Variants in DEPDC5 observed in about 807,000 individuals in gnomAD.
DEPDC5 encodes the protein DEP domain containing 5, GATOR1 subcomplex subunit, also known as GATOR1 complex protein DEPDC5.
A neutral mutation model predicts 217.3 loss-of-function variants in DEPDC5; 73 were observed. The observed-to-expected ratio is 0.34, with a 90% CI of 0.28 to 0.41. The LOEUF is 0.41. DEPDC5 is among the 10% of genes least tolerant of loss of function. DEPDC5 has a pLI of 1.00. For synonymous variants in DEPDC5, 733 were observed against 756.7 expected, an observed-to-expected ratio of 0.97 and a Z score of 0.51; for missense variants, 1,675 against 2,070.1, an observed-to-expected ratio of 0.81 and a Z score of 3.70.
intron 14 of DEPDC5, among the ~76,000 whole-genome samples, chr22:31,802,228 A>C (rs2086948581): frequency 6.7e-6 from 1 of 149,932 alleles, no homozygotes; most frequent in African/African-American, 2.5e-5. Flanking sequence ...TCCTGGGTTC[A>C]AGTGATTCTC....
intron 10 of DEPDC5, among the ~76,000 whole-genome samples, chr22:31,791,039 G>A (rs974611423): frequency 6.6e-6 from 1 of 151,964 alleles, no homozygotes; most frequent in Non-Finnish European, 1.5e-5. Flanking sequence ...GAGCCACCAC[G>A]CCCAGCCGAA....
chr22:31,876,163 C>T lies in DEPDC5; in HGVS notation c.3703C>T (p.Leu1235=), dbSNP rs766933880. Residue 1235 remains leucine, a synonymous_variant, in exon 37 of 43, where the codon CTG becomes TTG. Coordinates refer to ENST00000651528, the MANE Select transcript of DEPDC5 (RefSeq NM_001242896.3). ...GTTTCAATGTCTCTCCTAGAAAATG[C>T]TGGAAGAGCAGCTCATCACACATGC... ...AMAIDIMQKM[L]EEQLITHASG... is the part of the protein sequence containing the mutation. The T allele has an allele frequency of 1.9e-6, 3 of 1,613,676 alleles. No homozygotes were observed. The highest frequency in any genetic ancestry group is 2.7e-5 in the African/African-American group (2 of 74,916).
chr22:31,840,912 A>G (rs775515397), intron 27 of DEPDC5, among the ~76,000 whole-genome samples: 30 of 152,210 alleles, frequency 2.0e-4, no homozygotes, highest in Non-Finnish European at 4.0e-4. Context: ...CTAATAAACC[A>G]CAAGTATATA....
intron 10 of DEPDC5, chr22:31,785,088 C>T (rs2084844576): frequency 4.2e-6 from 2 of 473,560 alleles, no homozygotes; most frequent in Non-Finnish European, 7.4e-6. Flanking sequence ...TGAAAACTTT[C>T]CCCCAAGATC....
At chr22:31,848,162 C>T (rs1422135082) in intron 31 of DEPDC5, among the ~76,000 whole-genome samples, 1 of 152,080 alleles carries the variant, frequency 6.6e-6, no homozygotes, top group Non-Finnish European at 1.5e-5. Context: ...TGTGGCTCTG[C>T]AGGGTACCAC....
chr22:31,814,334 C>T (rs2088816706), intron 20 of DEPDC5: 1 of 152,228 alleles, frequency 6.6e-6, no homozygotes, highest in African/African-American at 2.4e-5. Flanking sequence ...TCATTGGTAA[C>T]AAAATTAACA....
At position 31,906,141 on chromosome 22, in the gene DEPDC5, C is replaced by T. The variant is rs2093754084; in HGVS notation, c.4520-64C>T. The T allele has an allele frequency of 6.2e-7, 1 of 1,613,154 alleles. No homozygotes were observed. Among genetic ancestry groups the T allele is most frequent in the Non-Finnish European group, 8.5e-7 (1 of 1,179,512 alleles). ...TGCACCAAGCCTATGGCTGCAGAACCACCTCAGCAGGCTCCAGGAGCCCTC... is the reference window on the plus strand; with the variant it reads ...TGCACCAAGCCTATGGCTGCAGAACTACCTCAGCAGGCTCCAGGAGCCCTC... On this transcript the variant is annotated intron_variant, in intron 42 of 42. Transcript: ENST00000651528. This position sits in a 1 kb window ranked among gnomAD's most constrained non-coding sequence, Gnocchi z 5.1.
chr22:31,807,681 C>T (rs1396666835), intron 18 of DEPDC5, among the ~76,000 whole-genome samples: 1 of 152,220 alleles, frequency 6.6e-6, no homozygotes, highest in Non-Finnish European at 1.5e-5. Context: ...ACCCACCCGC[C>T]TCAGCCTCCC....
chr22:31,819,973 C>G (rs2089523557), intron 22 of DEPDC5, among the ~76,000 whole-genome samples: 1 of 152,046 alleles, frequency 6.6e-6, no homozygotes, highest in African/African-American at 2.4e-5. Flanking sequence ...TCACTTTTTC[C>G]TAGTCCATTC....
In DEPDC5 at chr22:31,784,075, A is replaced by G. The variant is rs2084734180; in HGVS notation, c.562+90A>G. Reference sequence around the variant, plus strand: ...TTCATGAATGCCCAGGGTCCCCCACATCATCTTCTAACAAACTTTAAATAT... The same window carrying G: ...TTCATGAATGCCCAGGGTCCCCCACGTCATCTTCTAACAAACTTTAAATAT... On this transcript the variant is annotated intron_variant, in intron 9 of 42. Transcript: ENST00000651528. 7 of 1,004,108 alleles carry G rather than the reference A, an allele frequency of 7.0e-6. No homozygotes were observed. In the South Asian group the frequency reaches 1.1e-4, roughly 16 times the overall value. 62.2% of individuals were successfully genotyped at this position (1,004,108 alleles called of 1,614,324 possible). A position where few individuals can be genotyped will look rare whatever the true frequency, so the allele number is the denominator to read the frequency against.
intron 13 of DEPDC5, 64 bp from the exon 14 acceptor site, chr22:31,798,518 A>G (rs1264617008): frequency 2.7e-6 from 4 of 1,472,122 alleles, no homozygotes; most frequent in African/African-American, 1.4e-5. Flanking sequence ...GCTTCGTTTA[A>G]AATTAAAAAA....
chr22:31,827,117 G>A (rs1000372592), intron 24 of DEPDC5, among the ~76,000 whole-genome samples: 8 of 151,962 alleles, frequency 5.3e-5, no homozygotes, highest in African/African-American at 4.8e-5. Context: ...GGATCCTGGG[G>A]TTGTTTTTCT....
intron 31 of DEPDC5, among the ~76,000 whole-genome samples, chr22:31,847,582 C>T (rs1003701112): frequency 1.3e-5 from 2 of 152,148 alleles, no homozygotes; most frequent in African/African-American, 4.8e-5. Flanking sequence ...GGAAAAGCCC[C>T]TTATAAAACC....
chr22:31,784,676 TAGA>T (rs2084804075), intron 9 of DEPDC5, 135 bp from the exon 10 acceptor site: 6 of 673,492 alleles, frequency 8.9e-6, no homozygotes, highest in Non-Finnish European at 1.5e-5. Context: ...CCCTTTCTTA[TAGA>T]AGAAGTTGCA....
intron 37 of DEPDC5, among the ~76,000 whole-genome samples, chr22:31,877,313 TG>T (rs1353065562): frequency 6.6e-6 from 1 of 150,570 alleles, no homozygotes; most frequent in Non-Finnish European, 1.5e-5. Flanking sequence ...GGCAGGCACC[TG>T]TAATCCCAGC....
At chr22:31,899,762 C>T (rs1569237955) in intron 40 of DEPDC5, among the ~76,000 whole-genome samples, 1 of 152,126 alleles carries the variant, frequency 6.6e-6, no homozygotes, top group Non-Finnish European at 1.5e-5. Context: ...GAAAGATTAG[C>T]AAAACCACCG....
intron 16 of DEPDC5, 63 bp downstream of exon 16, chr22:31,804,286 T>G: frequency 6.5e-7 from 1 of 1,536,362 alleles, no homozygotes; most frequent in Non-Finnish European, 9.0e-7. Flanking sequence ...AGAGAAAAAT[T>G]CCAGGCGCTG....
chr22:31,769,608 T>G (rs2083152404), intron 7 of DEPDC5: 1 of 152,140 alleles, frequency 6.6e-6, no homozygotes, highest in Admixed American at 6.6e-5. Flanking sequence ...AAAGAGACTT[T>G]GTGAAATCCC....
chr22:31,758,713 T>G (rs2082135710), intron 3 of DEPDC5, 80 bp downstream of exon 3: 1 of 1,342,460 alleles, frequency 7.4e-7, no homozygotes, highest in African/African-American at 1.4e-5. Context: ...TCTCTTTGCC[T>G]TTCAAAATGC....
Sources: gnomAD v4.1 joint callset for allele counts (sites outside exome capture counted in the v4.1 genomes callset) on GRCh38, gnomAD v4.1.1 for gene constraint, Gnocchi (gnomAD v3.1) non-coding constraint, MANE v1.5 for transcripts, NCBI Gene and HGNC (gene_info 2026-07-23, HGNC 2026-07-21) for gene names.